The following TAF4B variants were observed in gnomAD, a reference collection of about 807,000 sequenced individuals.
TAF4B encodes the protein transcription initiation factor TFIID subunit 4B.
In TAF4B, 38 loss-of-function variants were observed where a neutral mutation model predicts 86.4. The ratio of observed to expected loss-of-function variants is 0.44; its 90% CI spans 0.34 to 0.58. The LOEUF (loss-of-function observed/expected upper bound fraction) is 0.58, where lower values mean the gene tolerates loss of function less well. Among genes scored for constraint, TAF4B ranks in the 20% least tolerant of loss-of-function variants. The probability of loss-of-function intolerance (pLI) is 0.02; values close to 1 mark genes in which losing one functional copy is unlikely to be tolerated. For synonymous variants in TAF4B, 388 were observed against 391.2 expected, an observed-to-expected ratio of 0.99 and a Z score of 0.10; for missense variants, 988 against 1,027.6, an observed-to-expected ratio of 0.96 and a Z score of 0.53.
At chr18:26,341,955 T>G (rs1184182286) in intron 13 of TAF4B, among the ~76,000 whole-genome samples, 3 of 152,176 alleles carry the variant, frequency 2.0e-5, no homozygotes. Flanking sequence ...CATTCCCTGG[T>G]AAACTTGATC....
intron 1 of TAF4B, among the ~76,000 whole-genome samples, chr18:26,240,074 C>CT (rs1167694620): frequency 2.0e-5 from 3 of 152,156 alleles, no homozygotes; most frequent in Non-Finnish European, 4.4e-5. Flanking sequence ...AATGCTGGCT[C>CT]TTTTTTGGTT....
chr18:26,327,014 G>T lies in TAF4B; in HGVS notation c.2134-1G>T. On this transcript the variant is annotated splice_acceptor_variant, in intron 11 of 14. Transcript: ENST00000269142. LOFTEE classifies it high-confidence loss of function. The stretch of plus-strand genomic sequence containing the variant: ...ACTTTCTGTTTTCTTTTTTTTCCCA[G>T]GCAAGTGAAAATTACATCCTGTGTA... 6.2e-7 allele frequency: 1 copy of T among 1,610,112 alleles called. No individual in the cohort carries two copies. The highest frequency in any genetic ancestry group is 1.1e-5 in the South Asian group (1 of 90,784).
chr18:26,363,900 C>T (rs1260225653), intron 14 of TAF4B, among the ~76,000 whole-genome samples: 1 of 152,050 alleles, frequency 6.6e-6, no homozygotes, highest in Non-Finnish European at 1.5e-5. Flanking sequence ...TTTTTTCCTA[C>T]TAAAAGGGAG....
intron 14 of TAF4B, among the ~76,000 whole-genome samples, chr18:26,376,808 G>C (rs1277368436): frequency 6.6e-6 from 1 of 151,990 alleles, no homozygotes; most frequent in Non-Finnish European, 1.5e-5. Flanking sequence ...TTAGCAGTGG[G>C]TTTCTCATAG....
chr18:26,358,141 T>G (rs1408223796), intron 14 of TAF4B, among the ~76,000 whole-genome samples: 1 of 152,208 alleles, frequency 6.6e-6, no homozygotes, highest in Non-Finnish European at 1.5e-5. Flanking sequence ...TGGCTAATCT[T>G]GTAAGACCGA....
intron 14 of TAF4B, among the ~76,000 whole-genome samples, chr18:26,387,744 T>C (rs1040298056): frequency 4.5e-4 from 68 of 152,224 alleles, no homozygotes; most frequent in Non-Finnish European, 1.5e-5. Flanking sequence ...TTCCCTCTTT[T>C]AGAACGTGGA....
intron 1 of TAF4B, among the ~76,000 whole-genome samples, chr18:26,263,330 GTAGT>G (rs10577831): frequency 0.11 from 16,033 of 152,140 alleles, 981 homozygotes; most frequent in Admixed American, 0.16. Flanking sequence ...GTTGAAGAAA[GTAGT>G]TAGTTGTACT....
At chr18:26,253,944 G>A (rs868284408) in intron 1 of TAF4B, among the ~76,000 whole-genome samples, 7 of 100,250 alleles carry the variant, frequency 7.0e-5, no homozygotes, top group Non-Finnish European at 1.1e-4. Flanking sequence ...TTATTTTTTT[G>A]AGATGGAGTT....
chr18:26,328,457 A>G (rs1186249873), intron 12 of TAF4B, among the ~76,000 whole-genome samples: 1 of 152,076 alleles, frequency 6.6e-6, no homozygotes, highest in Admixed American at 6.6e-5. Context: ...TCCAAAAAAT[A>G]AATAAATAAA....
In TAF4B at chr18:26,226,975, G is replaced by A. The variant is rs1291210680; in HGVS notation, c.42G>A (p.Pro14=). ...CCGAACCCGCCGGCGCCGCTCCCCC[G>A]GCTGCTGTGAGCGCCTCGGGGACCG... ...GLTEPAGAAP[P]AAVSASGTVT... The change falls in exon 1 of 15, where the codon CCG becomes CCA. Residue 14 remains proline, a synonymous_variant. Transcript: ENST00000269142. The A allele has an allele frequency of 1.4e-6, 2 of 1,390,526 alleles. No individual in the cohort carries two copies. Among genetic ancestry groups the A allele is most frequent in the Middle Eastern group, 2.6e-4 (1 of 3,814 alleles). 86.1% of individuals were successfully genotyped at this position (1,390,526 alleles called of 1,614,324 possible).
chr18:26,321,307 A>G, intron 11 of TAF4B, 107 bp downstream of exon 11: 1 of 1,135,068 alleles, frequency 8.8e-7, no homozygotes, highest in Non-Finnish European at 1.2e-6. Context: ...TGAGGCTTAT[A>G]TTTCATATTA....
intron 6 of TAF4B, among the ~76,000 whole-genome samples, chr18:26,283,697 C>A (rs975480929): frequency 6.6e-6 from 1 of 152,180 alleles, no homozygotes; most frequent in Admixed American, 6.5e-5. Context: ...GACTTTTCCT[C>A]AGCCAAAAGC....
chr18:26,278,957 C>G (rs1206344729), intron 5 of TAF4B, among the ~76,000 whole-genome samples: 2 of 151,586 alleles, frequency 1.3e-5, no homozygotes, highest in African/African-American at 4.8e-5. Flanking sequence ...CGAACCATTT[C>G]CCTTGAGAAT....
At chr18:26,274,579 A>T in intron 3 of TAF4B, 84 bp from the exon 4 acceptor site, 1 of 1,462,266 alleles carries the variant, frequency 6.8e-7, no homozygotes, top group Non-Finnish European at 9.4e-7. Flanking sequence ...TGTCAAAATT[A>T]ACTTGTCTGA....
Position 26,281,965 on chromosome 18 carries a change from C to G in TAF4B, c.883-6C>G. On this transcript the variant is annotated splice_polypyrimidine_tract_variant and splice_region_variant and intron_variant, in intron 5 of 14. Coordinates refer to ENST00000269142, the MANE Select transcript of TAF4B (RefSeq NM_005640.3). ...TAAAATTGTTTCTATTTCTCCCATCCCTCAGGATGCAAAAATCGAAGCAGA... is the reference window on the plus strand; with the variant it reads ...TAAAATTGTTTCTATTTCTCCCATCGCTCAGGATGCAAAAATCGAAGCAGA... 6.2e-7 allele frequency: 1 copy of G among 1,605,288 alleles called. No homozygotes were observed. Among genetic ancestry groups the G allele is most frequent in the Non-Finnish European group, 8.5e-7 (1 of 1,173,476 alleles).
intron 9 of TAF4B, among the ~76,000 whole-genome samples, chr18:26,298,697 T>C (rs1487827223): frequency 8.6e-5 from 13 of 151,744 alleles, no homozygotes. Context: ...CATGCCCAAG[T>C]AACTTTTTTT....
At chr18:26,269,761 C>G (rs1267723893) in intron 3 of TAF4B, among the ~76,000 whole-genome samples, 1 of 152,092 alleles carries the variant, frequency 6.6e-6, no homozygotes, top group Non-Finnish European at 1.5e-5. Flanking sequence ...GAAGTGTTAT[C>G]TCTATTTTAT....
At chr18:26,304,810 T>G in intron 9 of TAF4B, 1 of 985,402 alleles carries the variant, frequency 1.0e-6, no homozygotes. Context: ...TGTCTTATGC[T>G]GTGTAATTGC....
intron 12 of TAF4B, among the ~76,000 whole-genome samples, chr18:26,330,194 CG>C (rs1351235918): frequency 1.3e-5 from 2 of 152,138 alleles, no homozygotes; most frequent in Non-Finnish European, 2.9e-5. Flanking sequence ...GAACTCTCCT[CG>C]TTTTATTAGC....
Sources: allele counts gnomAD v4.1 joint callset (sites outside exome capture counted in the v4.1 genomes callset), GRCh38; gene constraint gnomAD v4.1.1; transcripts MANE v1.5; gene names NCBI Gene and HGNC (gene_info 2026-07-23, HGNC 2026-07-21).